THSD7A: variants seen among roughly 807,000 people sequenced by gnomAD.
THSD7A encodes thrombospondin type-1 domain-containing protein 7A.
A neutral mutation model predicts 231.3 loss-of-function variants in THSD7A; 96 were observed. The ratio of observed to expected loss-of-function variants is 0.41; its 90% CI spans 0.35 to 0.49. The LOEUF (loss-of-function observed/expected upper bound fraction) is 0.49. Among genes scored for constraint, THSD7A ranks in the 20% least tolerant of loss-of-function variants. The pLI, the probability that THSD7A is intolerant of heterozygous loss-of-function variation, is 0.05. For missense variants in THSD7A, 2,290 were observed against 2,070.2 expected (o/e 1.11, Z -2.06); for synonymous variants, 940 against 743.3 (o/e 1.26, Z -4.30).
At chr7:11,584,931 A>G (rs1255088283) in intron 4 of THSD7A, among the ~76,000 whole-genome samples, 1 of 152,194 alleles carries the variant, frequency 6.6e-6, no homozygotes, top group Non-Finnish European at 1.5e-5. Flanking sequence ...GGGGGTGGAT[A>G]TTTGAAATAT....
intron 24 of THSD7A, among the ~76,000 whole-genome samples, chr7:11,381,192 C>T (rs987664311): frequency 2.6e-5 from 4 of 152,128 alleles, no homozygotes; most frequent in Admixed American, 6.6e-5. Flanking sequence ...TCACTCCATA[C>T]CTCTTAGAGT....
intron 13 of THSD7A, among the ~76,000 whole-genome samples, chr7:11,440,661 A>G (rs1169123852): frequency 6.6e-6 from 1 of 152,072 alleles, no homozygotes; most frequent in East Asian, 1.9e-4. Context: ...AACTAGAATT[A>G]GAAGAGGAGT....
intron 16 of THSD7A, among the ~76,000 whole-genome samples, chr7:11,419,198 G>T (rs1000783949): frequency 4.6e-5 from 7 of 152,052 alleles, no homozygotes; most frequent in Admixed American, 1.3e-4. Flanking sequence ...TATTTTCAAA[G>T]ATTTCTCTTG....
intron 6 of THSD7A, among the ~76,000 whole-genome samples, chr7:11,496,333 T>G (rs773933012): frequency 2.1e-4 from 32 of 152,188 alleles, no homozygotes; most frequent in Non-Finnish European, 3.7e-4. Context: ...GCTTAATTTA[T>G]TTGTCTTCTC....
chr7:11,417,525 G>A lies in THSD7A; in HGVS notation c.3462C>T (p.Gly1154=). The A allele has an allele frequency of 6.2e-7, 1 of 1,613,760 alleles. No homozygotes were observed. The highest frequency in any genetic ancestry group is 2.2e-5 in the East Asian group (1 of 44,868). The change falls in exon 17 of 28, where the codon GGC becomes GGT. Residue 1154 remains glycine, a synonymous_variant. Coordinates refer to ENST00000423059, the MANE Select transcript of THSD7A (RefSeq NM_015204.3). ...GGCATGGTAATTTGCACACTCTAGA[G>A]CCCAGGGGCATCTCTTCTGGGTCAC... ...YLCDPEEMPL[G]SRVCKLPCPE...
At position 11,446,538 on chromosome 7, in the gene THSD7A, T is replaced by A. The variant is rs1449511192; in HGVS notation, c.2801-214A>T. Among the ~76,000 whole-genome samples, 1 of 152,156 alleles carries A rather than the reference T, an allele frequency of 6.6e-6. No individual in the cohort carries two copies. The highest frequency in any genetic ancestry group is 1.5e-5 in the Non-Finnish European group (1 of 68,020). ...CTTTGCATAGTAAAATTTGTATTAT[T>A]TTTTCAGAACACTATTTTTCACATA... On this transcript the variant is annotated intron_variant, in intron 12 of 27. Transcript: ENST00000423059. The surrounding 1 kb of genome is among the most constrained non-coding windows in gnomAD (Gnocchi z 4.0).
At chr7:11,496,991 A>C (rs1467196565) in intron 6 of THSD7A, among the ~76,000 whole-genome samples, 1 of 152,184 alleles carries the variant, frequency 6.6e-6, no homozygotes. Flanking sequence ...TCACATTACT[A>C]TAAGGAGATA....
intron 1 of THSD7A, among the ~76,000 whole-genome samples, chr7:11,752,771 A>C (rs568129003): frequency 1.3e-5 from 2 of 152,056 alleles, no homozygotes; most frequent in East Asian, 3.9e-4. Flanking sequence ...AATTAAAAAA[A>C]TTCTATTAGC....
In THSD7A at chr7:11,417,817, T is replaced by C. The variant is rs565610169; in HGVS notation, c.3384-214A>G. 2.0e-5 allele frequency among the ~76,000 whole-genome samples: 3 copies of C among 152,298 alleles called. No homozygotes were observed. The South Asian group carries it at 6.2e-4, about 32-fold the overall frequency. On this transcript the variant is annotated intron_variant, in intron 16 of 27. Transcript: ENST00000423059. Reference sequence around the variant, plus strand: ...CTCTCCTAAATATCTGTAGTGCTTCTGCATGATTCAAAAATGTGTTTGCAT... The same window carrying C: ...CTCTCCTAAATATCTGTAGTGCTTCCGCATGATTCAAAAATGTGTTTGCAT...
intron 23 of THSD7A, among the ~76,000 whole-genome samples, chr7:11,398,286 A>G (rs1306267845): frequency 2.0e-5 from 3 of 152,176 alleles, no homozygotes; most frequent in Non-Finnish European, 4.4e-5. Context: ...TAACACAGAA[A>G]CAGAAAACCA....
At chr7:11,498,926 T>C (rs1430218050) in intron 6 of THSD7A, among the ~76,000 whole-genome samples, 3 of 152,004 alleles carry the variant, frequency 2.0e-5, no homozygotes, top group Admixed American at 2.0e-4. Context: ...GTTCCCGTTC[T>C]CATATCTCCT....
At chr7:11,404,978 G>A (rs1353383644) in intron 22 of THSD7A, among the ~76,000 whole-genome samples, 1 of 151,962 alleles carries the variant, frequency 6.6e-6, no homozygotes, top group African/African-American at 2.4e-5. Flanking sequence ...TTTAGTTCTT[G>A]ACCTGAAGTA....
intron 1 of THSD7A, among the ~76,000 whole-genome samples, chr7:11,759,406 G>A (rs996861834): frequency 2.6e-5 from 4 of 152,002 alleles, no homozygotes; most frequent in Non-Finnish European, 5.9e-5. Context: ...GAGATAATAA[G>A]TTGAAAGATA....
intron 2 of THSD7A, among the ~76,000 whole-genome samples, chr7:11,611,927 G>A (rs1393679948): frequency 6.6e-6 from 1 of 151,290 alleles, no homozygotes; most frequent in Non-Finnish European, 1.5e-5. Flanking sequence ...TGGTAACTGA[G>A]ACCCAGAAAT....
rs1785211718 is a variant in THSD7A at position 11,831,963 on chromosome 7, C to A, written c.-17G>T. The A allele has an allele frequency of 1.6e-6, 2 of 1,229,732 alleles. No homozygotes were observed. The highest frequency in any genetic ancestry group is 2.0e-6 in the Non-Finnish European group (2 of 988,378). 76.2% of individuals were successfully genotyped at this position (1,229,732 alleles called of 1,614,324 possible). A position where few individuals can be genotyped will look rare whatever the true frequency, so the allele number is the denominator to read the frequency against. On this transcript the variant is annotated 5_prime_UTR_variant, in exon 1 of 28. Transcript: ENST00000423059. The surrounding 1 kb of genome is among the most constrained non-coding windows in gnomAD (Gnocchi z 5.0). ...CAGCCCCATGCCGCCTGCAGCCACTCCAGGGTCCAGAGCCGTAGCACGCTC... is the reference window on the plus strand; with the variant it reads ...CAGCCCCATGCCGCCTGCAGCCACTACAGGGTCCAGAGCCGTAGCACGCTC...
At position 11,632,611 on chromosome 7, in the gene THSD7A, C is replaced by T. The variant is rs941314980; in HGVS notation, c.1022+3519G>A. Among the ~76,000 whole-genome samples the T allele has an allele frequency of 6.6e-5, 10 of 152,204 alleles. 1 individual carries two copies. In the South Asian group the frequency reaches 1.7e-3, roughly 25 times the overall value. ...TGACTGGTACTTAGAATGAAAAGGTCTTATCATTACAGATAATCTGCTGTC... is the reference window on the plus strand; with the variant it reads ...TGACTGGTACTTAGAATGAAAAGGTTTTATCATTACAGATAATCTGCTGTC... On this transcript the variant is annotated intron_variant, in intron 2 of 27. Coordinates refer to ENST00000423059, the MANE Select transcript of THSD7A (RefSeq NM_015204.3). The surrounding 1 kb of genome is among the most constrained non-coding windows in gnomAD (Gnocchi z 4.1).
Position 11,636,031 on chromosome 7 carries a change from C to T in THSD7A, c.1022+99G>A. On this transcript the variant is annotated intron_variant, in intron 2 of 27. Coordinates refer to ENST00000423059, the MANE Select transcript of THSD7A (RefSeq NM_015204.3). The surrounding 1 kb of genome is among the most constrained non-coding windows in gnomAD (Gnocchi z 10.0). ...GGGGTAGCTCATCCTAGGTTGTGCC[C>T]CTACGTAATCCAGAAGTTATTAGAT... is the stretch of plus-strand genomic sequence containing the variant. 8.6e-7 allele frequency: 1 copy of T among 1,165,500 alleles called. No individual in the cohort carries two copies. Among genetic ancestry groups the T allele is most frequent in the Non-Finnish European group, 1.2e-6 (1 of 828,318 alleles). The allele number at this position is 1,165,500 out of a possible 1,614,324, so 72.2% of individuals were successfully genotyped here. A position where few individuals can be genotyped will look rare whatever the true frequency, so the allele number is the denominator to read the frequency against.
intron 1 of THSD7A, among the ~76,000 whole-genome samples, chr7:11,681,242 C>T (rs561926581): frequency 6.6e-6 from 1 of 152,084 alleles, no homozygotes; most frequent in South Asian, 2.1e-4. Context: ...AGGAGAAATA[C>T]CTAATGTAGC....
chr7:11,795,663 T>C (rs1784103529), intron 1 of THSD7A, among the ~76,000 whole-genome samples: 1 of 151,968 alleles, frequency 6.6e-6, no homozygotes, highest in Admixed American at 6.6e-5. Flanking sequence ...AATTTACAAA[T>C]AAATATACAT....
Sources: gnomAD v4.1 joint callset for allele counts (sites outside exome capture counted in the v4.1 genomes callset) on GRCh38, gnomAD v4.1.1 for gene constraint, Gnocchi (gnomAD v3.1) non-coding constraint, MANE v1.5 for transcripts, NCBI Gene and HGNC (gene_info 2026-07-23, HGNC 2026-07-21) for gene names.